GRID2: variants seen among roughly 807,000 people sequenced by gnomAD.
The protein encoded by GRID2 is glutamate receptor ionotropic, delta-2.
Under a neutral mutation model 114.8 loss-of-function variants are expected in GRID2, and 33 were observed. The observed-to-expected ratio is 0.29, with a 90% CI of 0.22 to 0.38. The LOEUF is 0.38. Ranked by LOEUF, GRID2 falls within the 10% of genes least tolerant of loss-of-function variation. GRID2 has a pLI of 1.00. For synonymous variants in GRID2, 505 were observed against 449.9 expected, an observed-to-expected ratio of 1.12 and a Z score of -1.55; for missense variants, 1,184 against 1,257.7, an observed-to-expected ratio of 0.94 and a Z score of 0.89.
chr4:93,461,106 T>C (rs1232974272), intron 11 of GRID2, among the ~76,000 whole-genome samples: 1 of 152,200 alleles, frequency 6.6e-6, no homozygotes, highest in African/African-American at 2.4e-5. Flanking sequence ...TATAAATATG[T>C]TAAATACCTT....
At chr4:93,708,995 T>C (rs190917645) in intron 14 of GRID2, among the ~76,000 whole-genome samples, 2 of 152,222 alleles carry the variant, frequency 1.3e-5, no homozygotes, top group African/African-American at 4.8e-5. Context: ...ACACTTTAAC[T>C]TCATCCCTTC....
At chr4:92,736,633 T>G (rs919106162) in intron 2 of GRID2, among the ~76,000 whole-genome samples, 1 of 152,110 alleles carries the variant, frequency 6.6e-6, no homozygotes, top group African/African-American at 2.4e-5. Context: ...CTTAGGCTTT[T>G]GTCCATTTAG....
chr4:93,136,326 C>G (rs1735249404), intron 4 of GRID2, among the ~76,000 whole-genome samples: 1 of 148,092 alleles, frequency 6.8e-6, no homozygotes, highest in Non-Finnish European at 1.5e-5. Context: ...TTAATAAGTC[C>G]TTGCTTTAAT....
intron 4 of GRID2, among the ~76,000 whole-genome samples, chr4:93,161,998 A>T (rs1412851785): frequency 6.6e-6 from 1 of 151,786 alleles, no homozygotes; most frequent in Admixed American, 6.6e-5. Flanking sequence ...TATATTTCCA[A>T]AAAATGATCT....
chr4:92,771,067 G>A (rs1432386906), intron 2 of GRID2, among the ~76,000 whole-genome samples: 1 of 150,674 alleles, frequency 6.6e-6, no homozygotes, highest in East Asian at 1.9e-4. Flanking sequence ...TACCTAAGGT[G>A]TGTTAAGTAT....
At chr4:92,336,281 C>A (rs1373566980) in intron 1 of GRID2, among the ~76,000 whole-genome samples, 3 of 152,166 alleles carry the variant, frequency 2.0e-5, no homozygotes, top group Non-Finnish European at 4.4e-5. Context: ...GTTTCAGTGA[C>A]AGGCAACAAC....
chr4:93,072,391 T>C (rs776494508), intron 2 of GRID2, among the ~76,000 whole-genome samples: 7 of 152,168 alleles, frequency 4.6e-5, no homozygotes, highest in Non-Finnish European at 1.0e-4. Flanking sequence ...TGTGAACTAC[T>C]GTATTTATTT....
chr4:93,323,504 G>C (rs1410671042), intron 8 of GRID2, among the ~76,000 whole-genome samples: 1 of 152,128 alleles, frequency 6.6e-6, no homozygotes, highest in Non-Finnish European at 1.5e-5. Context: ...TTGTTCGTTT[G>C]AATTAGGATT....
chr4:93,347,105 C>T (rs1760317192), intron 8 of GRID2, among the ~76,000 whole-genome samples: 1 of 152,016 alleles, frequency 6.6e-6, no homozygotes, highest in South Asian at 2.1e-4. Flanking sequence ...TCACCAGCCT[C>T]CACTCAGCTT....
At chr4:93,252,669 T>C (rs1749100043) in intron 8 of GRID2, among the ~76,000 whole-genome samples, 1 of 152,218 alleles carries the variant, frequency 6.6e-6, no homozygotes, top group African/African-American at 2.4e-5. Flanking sequence ...GTATGACCAT[T>C]ATAATGACAT....
chr4:93,160,756 A>G (rs1473582067), intron 4 of GRID2, among the ~76,000 whole-genome samples: 1 of 151,792 alleles, frequency 6.6e-6, no homozygotes, highest in Non-Finnish European at 1.5e-5. Flanking sequence ...TTGTGGGCTC[A>G]TAAGTAAATT....
chr4:93,402,026 A>G lies in GRID2; in HGVS notation c.1347+6318A>G, dbSNP rs149458185. On this transcript the variant is annotated intron_variant, in intron 9 of 15. Transcript: ENST00000282020. Reference sequence around the variant, plus strand: ...GTATTTAGGTTAGATTTAGTTATTTATATACATCAGCATGAAGTAAAGCAA... The same window carrying G: ...GTATTTAGGTTAGATTTAGTTATTTGTATACATCAGCATGAAGTAAAGCAA... 8.6e-5 allele frequency among the ~76,000 whole-genome samples: 13 copies of G among 151,970 alleles called. No homozygotes were observed. The East Asian group carries it at 2.3e-3, about 27-fold the overall frequency.
intron 2 of GRID2, among the ~76,000 whole-genome samples, chr4:92,593,892 G>T (rs2149213870): frequency 6.7e-6 from 1 of 148,178 alleles, no homozygotes; most frequent in South Asian, 2.1e-4. Context: ...TTGGTATCTA[G>T]GATGTAGTGT....
chr4:92,304,343 G>T lies in GRID2; in HGVS notation c.-314G>T. The T allele has an allele frequency of 2.6e-6, 1 of 382,160 alleles. No individual in the cohort carries two copies. Among genetic ancestry groups the T allele is most frequent in the Non-Finnish European group, 4.8e-6 (1 of 207,772 alleles). 23.7% of individuals were successfully genotyped at this position (382,160 alleles called of 1,614,324 possible). A position where few individuals can be genotyped will look rare whatever the true frequency, so the allele number is the denominator to read the frequency against. ...AGCGATGGGTCTGATCTGAGCCCCA[G>T]CCTCTCCCCCTGCCCAAGAGCAGTA... On this transcript the variant is annotated 5_prime_UTR_variant, in exon 1 of 16. Coordinates refer to ENST00000282020, the MANE Select transcript of GRID2 (RefSeq NM_001510.4).
At chr4:92,891,171 T>C (rs1005767096) in intron 2 of GRID2, among the ~76,000 whole-genome samples, 1 of 152,052 alleles carries the variant, frequency 6.6e-6, no homozygotes, top group Non-Finnish European at 1.5e-5. Context: ...ATGTAGATGA[T>C]GGGTTGATGG....
chr4:92,822,449 C>T (rs1741354536), intron 2 of GRID2: 6 of 490,430 alleles, frequency 1.2e-5, no homozygotes, highest in Admixed American at 2.2e-5. Flanking sequence ...GTGTTGCTGC[C>T]GTTAGGTGAG....
intron 2 of GRID2, among the ~76,000 whole-genome samples, chr4:92,695,617 C>A (rs1734392496): frequency 6.6e-6 from 1 of 152,186 alleles, no homozygotes; most frequent in South Asian, 2.1e-4. Flanking sequence ...ATCTGAGGAA[C>A]AAATGCTAAT....
chr4:92,344,776 C>G (rs187942275), intron 1 of GRID2, among the ~76,000 whole-genome samples: 24 of 152,222 alleles, frequency 1.6e-4, no homozygotes, highest in African/African-American at 5.3e-4. Flanking sequence ...TAGAGGGAAG[C>G]TTTATTGCCC....
chr4:92,695,341 T>G (rs1734376634), intron 2 of GRID2, among the ~76,000 whole-genome samples: 1 of 152,116 alleles, frequency 6.6e-6, no homozygotes, highest in Admixed American at 6.6e-5. Context: ...ATATCTCCTC[T>G]TTTTATTCTT....
Sources: allele counts gnomAD v4.1 joint callset (sites outside exome capture counted in the v4.1 genomes callset), GRCh38; gene constraint gnomAD v4.1.1; transcripts MANE v1.5; gene names NCBI Gene and HGNC (gene_info 2026-07-23, HGNC 2026-07-21).